The following NEB variants were observed in gnomAD, a reference collection of about 807,000 sequenced individuals.
NEB encodes nemaline myopathy type 2.
A neutral mutation model predicts 952.2 loss-of-function variants in NEB; 512 were observed. The ratio of observed to expected loss-of-function variants is 0.54; its 90% CI spans 0.50 to 0.58. The LOEUF is 0.58. Ranked by LOEUF, NEB falls within the 20% of genes least tolerant of loss-of-function variation. The probability of loss-of-function intolerance (pLI) is 0.00; values close to 1 mark genes in which losing one functional copy is unlikely to be tolerated. For missense variants in NEB, 8,428 were observed against 9,231.1 expected, an observed-to-expected ratio of 0.91 and a Z score of 3.56; for synonymous variants, 2,900 against 3,149.8, an observed-to-expected ratio of 0.92 and a Z score of 2.66.
At chr2:151,530,120 C>T (rs1014039126) in intron 145 of NEB, among the ~76,000 whole-genome samples, 4 of 152,190 alleles carry the variant, frequency 2.6e-5, no homozygotes. Flanking sequence ...TCCATCATCT[C>T]ATTCCTAGTG....
chr2:151,701,415 G>C (rs955586223), intron 13 of NEB, among the ~76,000 whole-genome samples: 1 of 149,080 alleles, frequency 6.7e-6, no homozygotes, highest in African/African-American at 2.5e-5. Context: ...TTTTTCTATT[G>C]ATTGGAATAG....
At chr2:151,731,800 A>T (rs538273174) in intron 3 of NEB, among the ~76,000 whole-genome samples, 2 of 152,318 alleles carry the variant, frequency 1.3e-5, no homozygotes, top group South Asian at 4.1e-4. Context: ...CATTATTATC[A>T]TAGGGAAGAC....
chr2:151,487,331 C>T (rs558895238), intron 181 of NEB, among the ~76,000 whole-genome samples: 55 of 152,358 alleles, frequency 3.6e-4, no homozygotes, highest in African/African-American at 1.3e-3. Flanking sequence ...GGAGCAGCCA[C>T]TGGTTAGTAG....
At position 151,726,825 on chromosome 2, in the gene NEB, C is replaced by T. The variant is rs190359096; in HGVS notation, c.294+866G>A. Among the ~76,000 whole-genome samples, 14 of 152,092 alleles carry T rather than the reference C, an allele frequency of 9.2e-5. No individual in the cohort carries two copies. The East Asian group carries it at 2.1e-3, about 23-fold the overall frequency. ...AGGATCACCTGTGGCCAGGAGTTTA[C>T]GACCATCCTGGGCAACATAGCAAGA... On this transcript the variant is annotated intron_variant, in intron 5 of 181. Transcript: ENST00000397345.
chr2:151,490,164 TCCC>T (rs2055111397), intron 180 of NEB, 87 bp from the exon 181 acceptor site: 1 of 1,216,708 alleles, frequency 8.2e-7, no homozygotes, highest in East Asian at 2.3e-5. Context: ...GATGTCTTTT[TCCC>T]CCAACTTAGA....
At chr2:151,715,162 G>T (rs1472630649) in intron 10 of NEB, among the ~76,000 whole-genome samples, 1 of 152,184 alleles carries the variant, frequency 6.6e-6, no homozygotes, top group Non-Finnish European at 1.5e-5. Context: ...CACCTAGAGT[G>T]GTGCCATCCA....
Position 151,535,787 on chromosome 2 carries a change from A to T in NEB, c.21216T>A (p.Tyr7072Ter). 6.3e-7 allele frequency: 1 copy of T among 1,577,200 alleles called. No homozygotes were observed. Among genetic ancestry groups the T allele is most frequent in the Non-Finnish European group, 8.7e-7 (1 of 1,156,012 alleles). The change falls in exon 142 of 182, where the codon TAT becomes TAA. Residue 7072 changes from tyrosine (Y) to a stop codon, truncating the protein, a stop_gained. Transcript: ENST00000397345. LOFTEE classifies it high-confidence loss of function. Reference protein sequence around the residue: ...KNKTLYSKYKYKEVFERTKSD... With the variant: ...KNKTLYSKYK ...ACTTTGTCCTTTCAAATACTTCTTT[A>T]TACTTATACTAGAAAAAACAGAACA... is the stretch of plus-strand genomic sequence containing the variant.
In NEB at chr2:151,646,169, G is replaced by A. The variant is rs2154122524; in HGVS notation, c.7497C>T (p.Asp2499=). 1 of 1,604,436 alleles carries A rather than the reference G, an allele frequency of 6.2e-7. No homozygotes were observed. ...TQIHIMPDTP[D]IVLAKANLIN... ...TTAAGTTTGCTTTAGCCAGAACAATGTCAGGTGTATCAGGCATGATGTGGA... is the reference window on the plus strand; with the variant it reads ...TTAAGTTTGCTTTAGCCAGAACAATATCAGGTGTATCAGGCATGATGTGGA... The change falls in exon 55 of 182, where the codon GAC becomes GAT. Residue 2499 remains aspartate (D), a synonymous_variant. Coordinates refer to ENST00000397345, the MANE Select transcript of NEB (RefSeq NM_001164508.2).
intron 88 of NEB, among the ~76,000 whole-genome samples, chr2:151,601,356 G>A (rs1042762711): frequency 4.8e-5 from 7 of 144,548 alleles, no homozygotes; most frequent in Middle Eastern, 3.5e-3. Flanking sequence ...TGATCCACCC[G>A]CCTTGGCCTC....
At position 151,692,178 on chromosome 2, in the gene NEB, A is replaced by G; in HGVS notation, c.1999-12T>C. Reference sequence around the variant, plus strand: ...TCTTTATATCTAGCCTGAAAAATAAAACAAATGTAATTCAAGTTAACAATC... The same window carrying G: ...TCTTTATATCTAGCCTGAAAAATAAGACAAATGTAATTCAAGTTAACAATC... On this transcript the variant is annotated splice_polypyrimidine_tract_variant and intron_variant, in intron 21 of 181. Coordinates refer to ENST00000397345, the MANE Select transcript of NEB (RefSeq NM_001164508.2). 6.2e-7 allele frequency: 1 copy of G among 1,611,412 alleles called. No homozygotes were observed. Among genetic ancestry groups the G allele is most frequent in the Non-Finnish European group, 8.5e-7 (1 of 1,177,560 alleles).
chr2:151,503,153 A>G, intron 166 of NEB, 196 bp downstream of exon 166: 1 of 595,982 alleles, frequency 1.7e-6, no homozygotes, highest in Non-Finnish European at 2.9e-6. Flanking sequence ...AATCTAGTCA[A>G]GTCACTGAAA....
At chr2:151,520,757 A>G (rs1367713770) in intron 153 of NEB, among the ~76,000 whole-genome samples, 1 of 152,152 alleles carries the variant, frequency 6.6e-6, no homozygotes, top group Non-Finnish European at 1.5e-5. Flanking sequence ...TCAGCTACTC[A>G]GGAGGCTGAA....
chr2:151,578,703 G>C (rs1364455041), intron 105 of NEB, among the ~76,000 whole-genome samples: 5 of 149,548 alleles, frequency 3.3e-5, no homozygotes, highest in Non-Finnish European at 5.9e-5. Context: ...AGGAGAGAAG[G>C]AGGGAAGGAA....
intron 151 of NEB, 38 bp from the exon 152 acceptor site, chr2:151,524,654 CTTTTTTTTTTTTTTTTTT>C (rs5835371): frequency 3.5e-5 from 9 of 257,364 alleles, no homozygotes; most frequent in East Asian, 3.2e-4. Flanking sequence ...AAGAGAGAGG[CTTTTTTTTTTTTTTTTTT>C]TTTTTTTTTT....
Position 151,666,395 on chromosome 2 carries a change from A to AT in NEB, c.4725dup (p.Tyr1576IlefsTer2). On this transcript the variant is annotated frameshift_variant, in exon 41 of 182. Coordinates refer to ENST00000397345, the MANE Select transcript of NEB (RefSeq NM_001164508.2). LOFTEE classifies it high-confidence loss of function. ...TTGGCTTTCTCGTAGGCCTCCTTAT[A>AT]TTTGCACTATTTGAAAACAAAGGGC... 3.1e-6 allele frequency: 5 copies of AT among 1,611,964 alleles called. No homozygotes were observed. The highest frequency in any genetic ancestry group is 4.2e-6 in the Non-Finnish European group (5 of 1,178,758).
intron 13 of NEB, among the ~76,000 whole-genome samples, chr2:151,704,523 G>C (rs1461097117): frequency 1.4e-5 from 2 of 143,246 alleles, no homozygotes; most frequent in South Asian, 4.5e-4. Flanking sequence ...CTCCGTGGGC[G>C]TAGGACCCTC....
At chr2:151,512,904 G>T in intron 160 of NEB, 67 bp from the exon 161 acceptor site, 1 of 1,043,166 alleles carries the variant, frequency 9.6e-7, no homozygotes, top group South Asian at 1.4e-5. Context: ...GGCTTGATTT[G>T]ATTAAGAGGT....
intron 173 of NEB, among the ~76,000 whole-genome samples, chr2:151,495,656 T>C (rs1004158283): frequency 6.6e-6 from 1 of 151,738 alleles, no homozygotes; most frequent in South Asian, 2.1e-4. Flanking sequence ...AAGACTACAG[T>C]AAAACTAAAG....
At chr2:151,565,267 T>C (rs2153727548) in intron 116 of NEB, 119 bp from the exon 117 acceptor site, 1 of 672,450 alleles carries the variant, frequency 1.5e-6, no homozygotes, top group Non-Finnish European at 2.5e-6. Flanking sequence ...GGTTGAATTT[T>C]AGCCCATTTT....
Sources: gnomAD v4.1 joint callset for allele counts (sites outside exome capture counted in the v4.1 genomes callset) on GRCh38, gnomAD v4.1.1 for gene constraint, MANE v1.5 for transcripts, NCBI Gene and HGNC (gene_info 2026-07-23, HGNC 2026-07-21) for gene names.